IPO11: variants seen among roughly 807,000 people sequenced by gnomAD.
The protein encoded by IPO11 is importin 11.
IPO11 carries 66 observed loss-of-function variants against 143.2 expected under a neutral mutation model. That is an observed-to-expected ratio of 0.46 (90% CI 0.38 to 0.57). The LOEUF is 0.57. Among genes scored for constraint, IPO11 ranks in the 20% least tolerant of loss-of-function variants. The pLI is 0.00. For synonymous variants in IPO11, 385 were observed against 377.8 expected (o/e 1.02, Z -0.22); for missense variants, 1,026 against 1,141.0 (o/e 0.90, Z 1.45).
chr5:62,593,984 T>C (rs867840466), intron 28 of IPO11, among the ~76,000 whole-genome samples: 23 of 152,234 alleles, frequency 1.5e-4, no homozygotes, highest in Admixed American at 7.9e-4. Context: ...TACATACTTA[T>C]GTAGCTAACT....
At chr5:62,586,768 A>AATATATATATATATATAT (rs56808416) in intron 27 of IPO11, among the ~76,000 whole-genome samples, 5 of 28,910 alleles carry the variant, frequency 1.7e-4, no homozygotes, top group South Asian at 1.5e-3. Flanking sequence ...AAAAAAAAAA[A>AATATATATATATATATAT]ATATATATAT....
At chr5:62,447,322 C>A (rs1022383703) in intron 3 of IPO11, among the ~76,000 whole-genome samples, 1 of 152,090 alleles carries the variant, frequency 6.6e-6, no homozygotes, top group African/African-American at 2.4e-5. Context: ...CCAGGCTAGT[C>A]TTGAACTCCT....
intron 27 of IPO11, among the ~76,000 whole-genome samples, 174 bp from the exon 28 acceptor site, chr5:62,591,403 G>T (rs1004498658): frequency 2.6e-5 from 4 of 151,716 alleles, no homozygotes; most frequent in Non-Finnish European, 5.9e-5. Context: ...AAAGAATTTT[G>T]TGATGTTATA....
In IPO11 at chr5:62,537,248, T is replaced by C; in HGVS notation, c.2209T>C (p.Leu737=). Residue 737 remains leucine, a synonymous_variant, in exon 24 of 30, where the codon TTA becomes CTA. Transcript: ENST00000325324. ...TCTATGCCAGTCCTTTTGTGAACTT[T>C]TAAAGGAAATTACTACAGAAGGTCA... ...VGLCQSFCEL[L]KEITTEGQVQ... 1 of 1,607,344 alleles carries C rather than the reference T, an allele frequency of 6.2e-7. No homozygotes were observed. Among genetic ancestry groups the C allele is most frequent in the Non-Finnish European group, 8.5e-7 (1 of 1,174,956 alleles).
At chr5:62,490,007 C>T (rs1003076507) in intron 14 of IPO11, 108 bp from the exon 15 acceptor site, 17 of 487,062 alleles carry the variant, frequency 3.5e-5, no homozygotes, top group Non-Finnish European at 5.8e-5. Flanking sequence ...AAATAATTTC[C>T]CTGATTAGCA....
chr5:62,462,045 A>C (rs1003057279), intron 5 of IPO11, among the ~76,000 whole-genome samples: 2 of 152,208 alleles, frequency 1.3e-5, no homozygotes, highest in Non-Finnish European at 2.9e-5. Flanking sequence ...GAAAGAGGGA[A>C]GAATTAATTA....
At chr5:62,499,083 G>A (rs922851608) in intron 16 of IPO11, among the ~76,000 whole-genome samples, 2 of 152,172 alleles carry the variant, frequency 1.3e-5, no homozygotes, top group African/African-American at 4.8e-5. Context: ...TCATGGGCAC[G>A]TTGACTACCA....
At position 62,526,281 on chromosome 5, in the gene IPO11, T is replaced by A. The variant is rs760461630; in HGVS notation, c.2012+24T>A. On this transcript the variant is annotated intron_variant, in intron 21 of 29. Transcript: ENST00000325324. ...TGGTAAGAGGAAAAACTTAATACCA[T>A]GGATCTTATTTTATTCGTGACCTTT... 4 of 1,480,104 alleles carry A rather than the reference T, an allele frequency of 2.7e-6. No homozygotes were observed. The African/African-American group carries it at 5.5e-5, about 21-fold the overall frequency. The allele number at this position is 1,480,104 out of a possible 1,614,324, so 91.7% of individuals were successfully genotyped here.
chr5:62,442,724 C>G (rs1157550413), intron 2 of IPO11, among the ~76,000 whole-genome samples: 1 of 151,966 alleles, frequency 6.6e-6, no homozygotes, highest in African/African-American at 2.4e-5. Flanking sequence ...ATTAGCTGGG[C>G]TTGGTGGCAG....
intron 9 of IPO11, among the ~76,000 whole-genome samples, chr5:62,478,433 C>T (rs542678230): frequency 6.6e-6 from 1 of 152,284 alleles, no homozygotes; most frequent in South Asian, 2.1e-4. Context: ...TCCCAAAGTG[C>T]TGGGATTACA....
chr5:62,546,902 A>G (rs980430187), intron 24 of IPO11, among the ~76,000 whole-genome samples: 1 of 152,192 alleles, frequency 6.6e-6, no homozygotes, highest in African/African-American at 2.4e-5. Flanking sequence ...TAATTAAAGT[A>G]GCTATCTAGC....
intron 28 of IPO11, among the ~76,000 whole-genome samples, chr5:62,601,028 T>C (rs1745487993): frequency 6.6e-6 from 1 of 152,244 alleles, no homozygotes; most frequent in Non-Finnish European, 1.5e-5. Flanking sequence ...GAACCCAAAC[T>C]TTCTTTGCCA....
At chr5:62,580,483 T>A in intron 27 of IPO11, 1 of 1,551,478 alleles carries the variant, frequency 6.4e-7, no homozygotes, top group Non-Finnish European at 8.7e-7. Flanking sequence ...TAAGCCGTTG[T>A]CTTCATTGAT....
At chr5:62,627,077 A>C in intron 29 of IPO11, 77 bp from the exon 30 acceptor site, 1 of 1,334,002 alleles carries the variant, frequency 7.5e-7, no homozygotes, top group South Asian at 1.5e-5. Context: ...AGAGATTACA[A>C]AGAACTTTTG....
intron 7 of IPO11, among the ~76,000 whole-genome samples, chr5:62,470,964 A>G (rs1745752421): frequency 6.6e-6 from 1 of 151,054 alleles, no homozygotes; most frequent in Non-Finnish European, 1.5e-5. Context: ...AGTCACTGGG[A>G]TTACAGGCAT....
At chr5:62,624,098 G>T (rs190105957) in intron 29 of IPO11, among the ~76,000 whole-genome samples, 1 of 151,924 alleles carries the variant, frequency 6.6e-6, no homozygotes, top group Non-Finnish European at 1.5e-5. Flanking sequence ...GCAATGGCAT[G>T]ATCTCAGCTC....
chr5:62,488,924 G>A (rs1487172119), intron 13 of IPO11, among the ~76,000 whole-genome samples: 1 of 152,148 alleles, frequency 6.6e-6, no homozygotes, highest in Non-Finnish European at 1.5e-5. Context: ...GATCATTTGA[G>A]CGCAGGAGGA....
intron 20 of IPO11, among the ~76,000 whole-genome samples, chr5:62,520,497 A>G (rs538803182): frequency 3.9e-5 from 6 of 151,994 alleles, no homozygotes; most frequent in Non-Finnish European, 8.8e-5. Flanking sequence ...TACATTAGGT[A>G]TATCTCCTAA....
intron 26 of IPO11, among the ~76,000 whole-genome samples, chr5:62,553,070 G>A (rs529749132): frequency 6.6e-6 from 1 of 152,194 alleles, no homozygotes; most frequent in South Asian, 2.1e-4. Context: ...ATCTATGTGT[G>A]ATTTTTTTAT....
Sources: allele counts gnomAD v4.1 joint callset (sites outside exome capture counted in the v4.1 genomes callset), GRCh38; gene constraint gnomAD v4.1.1; transcripts MANE v1.5; gene names NCBI Gene and HGNC (gene_info 2026-07-23, HGNC 2026-07-21).